C13orf42: variants seen among roughly 807,000 people sequenced by gnomAD.
C13orf42 encodes the protein uncharacterized protein C13orf42.
intron 1 of C13orf42, among the ~76,000 whole-genome samples, chr13:51,118,351 C>G (rs1390687227): frequency 1.3e-5 from 2 of 152,222 alleles, no homozygotes; most frequent in East Asian, 3.9e-4. Context: ...TCCTCCACAA[C>G]AGTCCTCCAG....
upstream of C13orf42, among the ~76,000 whole-genome samples, chr13:51,114,437 T>C (rs1953465556): frequency 6.6e-6 from 1 of 152,214 alleles, no homozygotes; most frequent in Non-Finnish European, 1.5e-5. Flanking sequence ...TTATTCTCTA[T>C]CTCTGTGTAT....
In C13orf42 at chr13:51,130,724, C is replaced by A. The variant is rs541267818; in HGVS notation, n.137-17502G>T. 1.6e-4 allele frequency among the ~76,000 whole-genome samples: 24 copies of A among 152,140 alleles called. No individual in the cohort carries two copies. In the South Asian group the frequency reaches 2.9e-3, roughly 18 times the overall value. ...GCTCCACACTAGTACATAATTAAAC[C>A]CCTGAACTTACCAAGGTTTTCACCA... On this transcript the variant is annotated intron_variant and non_coding_transcript_variant, in intron 1 of 4. Coordinates refer to the C13orf42 transcript ENST00000433280.
intron 1 of C13orf42, among the ~76,000 whole-genome samples, chr13:51,093,071 T>G (rs1161413781): frequency 6.6e-6 from 1 of 152,244 alleles, no homozygotes; most frequent in Non-Finnish European, 1.5e-5. Context: ...TATCAGGAAG[T>G]ACCTAGTTTA....
At chr13:51,151,367 T>C (rs1466570482) in intron 1 of C13orf42, among the ~76,000 whole-genome samples, 1 of 125,688 alleles carries the variant, frequency 8.0e-6, no homozygotes, top group Non-Finnish European at 1.8e-5. Flanking sequence ...CCCCAAAAGC[T>C]GGAAAAGGAA....
intron 1 of C13orf42, chr13:51,161,800 G>C (rs1953866613): frequency 3.0e-6 from 1 of 328,826 alleles, no homozygotes; most frequent in South Asian, 3.2e-5. Flanking sequence ...CCATAACCAG[G>C]GAATCGTTAG....
chr13:51,161,833 C>T (rs566364608), intron 1 of C13orf42: 18 of 416,766 alleles, frequency 4.3e-5, no homozygotes, highest in African/African-American at 3.3e-4. Flanking sequence ...ATAGAGAAAC[C>T]TCCATCCACA....
At chr13:51,141,048 C>T (rs61344825) in intron 1 of C13orf42, among the ~76,000 whole-genome samples, 73,488 of 148,790 alleles carry the variant, frequency 0.49, 18,214 homozygotes, top group African/African-American at 0.55. Context: ...GTTAAAGGAG[C>T]TCAATAGCTA....
intron 1 of C13orf42, among the ~76,000 whole-genome samples, chr13:51,129,372 T>C (rs1327084331): frequency 6.6e-6 from 1 of 152,098 alleles, no homozygotes; most frequent in Non-Finnish European, 1.5e-5. Flanking sequence ...GAATTAGGCA[T>C]GTACAGGATC....
chr13:51,138,546 T>C lies in C13orf42; in HGVS notation n.137-25324A>G, dbSNP rs116861442. On this transcript the variant is annotated intron_variant and non_coding_transcript_variant, in intron 1 of 4. Transcript: ENST00000433280. ...ACCTCACATCTCTCAGGATGGCTTT[T>C]ATCAAAAAAAAAGAAAAAAAGAAAA... is the stretch of plus-strand genomic sequence containing the variant. Among the ~76,000 whole-genome samples, 43 of 151,836 alleles carry C rather than the reference T, an allele frequency of 2.8e-4. No individual in the cohort carries two copies. The East Asian group carries it at 7.6e-3, about 27-fold the overall frequency.
intron 1 of C13orf42, among the ~76,000 whole-genome samples, chr13:51,131,455 T>C (rs1382991780): frequency 6.6e-6 from 1 of 152,224 alleles, no homozygotes; most frequent in East Asian, 1.9e-4. Context: ...CTGTACAGGT[T>C]TCCTGACCTG....
chr13:51,135,962 C>T (rs537958982), intron 1 of C13orf42, among the ~76,000 whole-genome samples: 1 of 152,338 alleles, frequency 6.6e-6, no homozygotes, highest in South Asian at 2.1e-4. Flanking sequence ...AAGAGTCCAG[C>T]AGGCCGGCAG....
At chr13:51,106,931 T>C (rs1953363242) in intron 1 of C13orf42, among the ~76,000 whole-genome samples, 1 of 152,202 alleles carries the variant, frequency 6.6e-6, no homozygotes, top group Non-Finnish European at 1.5e-5. Context: ...TTTTTTGTTG[T>C]TTTGATTTTA....
At chr13:51,087,849 A>T in intron 2 of C13orf42, 79 bp downstream of exon 2, 1 of 397,864 alleles carries the variant, frequency 2.5e-6, no homozygotes, top group South Asian at 1.4e-4. Flanking sequence ...TCCACCCCAG[A>T]GCCCCCAGCC....
In C13orf42 at chr13:51,088,024, T is replaced by C. The variant is rs1452988252; in HGVS notation, c.466A>G (p.Ile156Val). Residue 156 changes from isoleucine to valine, a missense_variant, in exon 2 of 4, where the codon ATT (isoleucine) becomes GTT (valine). By Grantham distance (29) the Ile-to-Val change is conservative (BLOSUM62 3). Transcript: ENST00000563710. ...GCAATGATGGAGTCAAAGAAGGCAA[T>C]GGCCTCGGCCACATCAGCACTGAAC... is the stretch of plus-strand genomic sequence containing the variant. ...SQFSADVAEA[I>V]AFFDSIIAEL... 5.0e-6 allele frequency: 2 copies of C among 398,678 alleles called. No individual in the cohort carries two copies. The highest frequency in any genetic ancestry group is 8.8e-6 in the Non-Finnish European group (2 of 226,130). 24.7% of individuals were successfully genotyped at this position (398,678 alleles called of 1,614,324 possible).
chr13:51,088,630 A>G (rs1345367475), intron 1 of C13orf42, among the ~76,000 whole-genome samples: 1 of 152,196 alleles, frequency 6.6e-6, no homozygotes, highest in Non-Finnish European at 1.5e-5. Context: ...TTCACATTGC[A>G]TGCCTGTCTC....
rs57050801 is a variant in C13orf42, at chr13:51,085,184, A to AATATAT, written c.803+129_803+134dup. ...GACCTCACCACCACCAGCAACAACA[A>AATATAT]ATATATATATATATATATATATATA... is the stretch of plus-strand genomic sequence containing the variant. On this transcript the variant is annotated intron_variant, in intron 3 of 3. Transcript: ENST00000563710. 4.6e-3 allele frequency: 896 copies of AATATAT among 195,780 alleles called. 4 individuals are homozygous for AATATAT. The highest frequency in any genetic ancestry group is 0.011 in the African/African-American group (444 of 39,038). 12.1% of individuals were successfully genotyped at this position (195,780 alleles called of 1,614,324 possible).
At chr13:51,087,131 G>A (rs1346951890) in intron 2 of C13orf42, among the ~76,000 whole-genome samples, 1 of 152,198 alleles carries the variant, frequency 6.6e-6, no homozygotes, top group Non-Finnish European at 1.5e-5. Flanking sequence ...TAAACAAACT[G>A]TCTGACAGTC....
At chr13:51,130,146 A>G (rs1379913959) in intron 1 of C13orf42, among the ~76,000 whole-genome samples, 5 of 152,278 alleles carry the variant, frequency 3.3e-5, no homozygotes, top group Non-Finnish European at 7.3e-5. Context: ...TTTAGTTCAC[A>G]TGACTTTAGT....
chr13:51,172,372 C>G (rs560267332), exon 1 of C13orf42: 3 of 151,968 alleles, frequency 2.0e-5, no homozygotes, highest in Admixed American at 2.0e-4. Flanking sequence ...CGGAAGCCCC[C>G]TAGACAGTCA....
Sources: gnomAD v4.1 joint callset for allele counts (sites outside exome capture counted in the v4.1 genomes callset) on GRCh38, gnomAD v4.1.1 for gene constraint, MANE v1.5 for transcripts, NCBI Gene and HGNC (gene_info 2026-07-23, HGNC 2026-07-21) for gene names.